The following ATXN1 variants were observed in gnomAD, a reference collection of about 807,000 sequenced individuals.
ATXN1 encodes the protein ataxin-1.
In ATXN1, 8 loss-of-function variants were observed where a neutral mutation model predicts 56.4. The observed-to-expected ratio is 0.14, with a 90% confidence interval of 0.08 to 0.26. The LOEUF (loss-of-function observed/expected upper bound fraction) is 0.26. Ranked by LOEUF, ATXN1 falls within the 10% of genes least tolerant of loss-of-function variation. The probability of loss-of-function intolerance (pLI) is 1.00; values close to 1 mark genes in which losing one functional copy is unlikely to be tolerated. For synonymous variants in ATXN1, 514 were observed against 494.6 expected (o/e 1.04, Z -0.52); for missense variants, 987 against 1,106.5 (o/e 0.89, Z 1.53).
intron 3 of ATXN1, among the ~76,000 whole-genome samples, chr6:16,635,237 G>T (rs1031553463): frequency 6.6e-6 from 1 of 152,130 alleles, no homozygotes; most frequent in African/African-American, 2.4e-5. Context: ...ATCACCCCTA[G>T]ATGGGACCGT....
intron 6 of ATXN1, among the ~76,000 whole-genome samples, chr6:16,377,960 G>A (rs146791717): frequency 2.5e-4 from 38 of 152,322 alleles, no homozygotes; most frequent in African/African-American, 8.9e-4. Flanking sequence ...AAGCAATTGA[G>A]CTCCATTTGG....
chr6:16,628,472 C>T (rs1230755005), intron 3 of ATXN1, among the ~76,000 whole-genome samples: 1 of 152,144 alleles, frequency 6.6e-6, no homozygotes, highest in African/African-American at 2.4e-5. Flanking sequence ...ATTTCTTAAG[C>T]TTTTATTTTA....
intron 3 of ATXN1, chr6:16,615,263 C>A (rs1398090526): frequency 3.3e-5 from 5 of 149,940 alleles, no homozygotes; most frequent in African/African-American, 1.2e-4. Context: ...TCAGCTTGCC[C>A]ATTTGTATGG....
chr6:16,654,886 C>A (rs1758158977), intron 3 of ATXN1, among the ~76,000 whole-genome samples: 1 of 152,134 alleles, frequency 6.6e-6, no homozygotes, highest in Admixed American at 6.5e-5. Flanking sequence ...CTACCACATT[C>A]ATGTGGTTTC....
At chr6:16,518,936 T>C (rs769872679) in intron 5 of ATXN1, among the ~76,000 whole-genome samples, 4 of 152,188 alleles carry the variant, frequency 2.6e-5, no homozygotes, top group Non-Finnish European at 5.9e-5. Context: ...TATTCTTACC[T>C]TGTGACTTTA....
At chr6:16,431,819 A>G (rs1759289948) in intron 6 of ATXN1, among the ~76,000 whole-genome samples, 1 of 152,202 alleles carries the variant, frequency 6.6e-6, no homozygotes, top group Non-Finnish European at 1.5e-5. Flanking sequence ...TAAACTATCA[A>G]TACAGACGAT....
Position 16,461,613 on chromosome 6 carries a change from T to C in ATXN1, c.-161+24359A>G, listed in dbSNP as rs115515986. On this transcript the variant is annotated intron_variant, in intron 6 of 7. Transcript: ENST00000436367. ...GTCTGTGTTGACCAACCAAATTGGA[T>C]AGAAGCCTTCCCCTGCAAGACGGAG... 8.5e-3 allele frequency among the ~76,000 whole-genome samples: 1,289 copies of C among 152,290 alleles called. 5 individuals carry two copies. Among genetic ancestry groups the C allele is most frequent in the Non-Finnish European group, 0.014 (986 of 68,016 alleles).
rs1473979988 is a variant in ATXN1 at position 16,760,920 on chromosome 6, C to T, written c.-730+378G>A. Among the ~76,000 whole-genome samples the T allele has an allele frequency of 2.0e-5, 3 of 148,490 alleles. No homozygotes were observed. The highest frequency in any genetic ancestry group is 7.4e-5 in the African/African-American group (3 of 40,774). The stretch of plus-strand genomic sequence containing the variant: ...AGCGGGGCGCCGCCGCCGCTCTCCC[C>T]GCCCGCGCCCCCCGCCCGGGCGCGC... On this transcript the variant is annotated intron_variant, in intron 1 of 7. Coordinates refer to ENST00000436367, the MANE Select transcript of ATXN1 (RefSeq NM_001128164.2). The surrounding 1 kb of genome is among the most constrained non-coding windows in gnomAD (Gnocchi z 5.3).
intron 4 of ATXN1, among the ~76,000 whole-genome samples, chr6:16,545,505 A>C (rs1439480052): frequency 6.6e-6 from 1 of 152,140 alleles, no homozygotes; most frequent in Non-Finnish European, 1.5e-5. Context: ...TTCAAATGCC[A>C]TCTAGACCAT....
chr6:16,623,051 T>A (rs1414952656), intron 3 of ATXN1, among the ~76,000 whole-genome samples: 2 of 152,248 alleles, frequency 1.3e-5, no homozygotes, highest in African/African-American at 4.8e-5. Flanking sequence ...TCACTTTCAT[T>A]GTTGTATTGT....
chr6:16,468,910 A>G (rs2113636261), intron 6 of ATXN1, among the ~76,000 whole-genome samples: 2 of 152,166 alleles, frequency 1.3e-5, no homozygotes, highest in Middle Eastern at 6.8e-3. Context: ...AAAAAAAAAA[A>G]GGTAGGACTG....
chr6:16,348,334 G>T (rs1761482095), intron 6 of ATXN1, among the ~76,000 whole-genome samples: 1 of 152,224 alleles, frequency 6.6e-6, no homozygotes, highest in East Asian at 1.9e-4. Context: ...CATAGTGTTA[G>T]AATTACAGAT....
At chr6:16,329,036 A>G (rs980240792) in intron 6 of ATXN1, among the ~76,000 whole-genome samples, 5 of 152,288 alleles carry the variant, frequency 3.3e-5, no homozygotes, top group Admixed American at 3.3e-4. Flanking sequence ...TGTAACACAT[A>G]TATTTTTTAA....
intron 2 of ATXN1, among the ~76,000 whole-genome samples, chr6:16,718,251 A>G (rs541489362): frequency 1.3e-4 from 20 of 152,388 alleles, no homozygotes; most frequent in African/African-American, 4.6e-4. Context: ...AAAATATGAC[A>G]GTGAATTATG....
chr6:16,550,398 C>T (rs1055583550), intron 4 of ATXN1, among the ~76,000 whole-genome samples: 1 of 152,134 alleles, frequency 6.6e-6, no homozygotes, highest in Non-Finnish European at 1.5e-5. Context: ...TTCTTTCATC[C>T]CTTGTATATT....
intron 5 of ATXN1, among the ~76,000 whole-genome samples, chr6:16,497,853 C>G (rs1392340192): frequency 6.7e-6 from 1 of 148,764 alleles, no homozygotes; most frequent in Non-Finnish European, 1.5e-5. Context: ...GTAGATGTCT[C>G]TTTGCAGAAG....
At chr6:16,532,089 C>G (rs892501926) in intron 4 of ATXN1, among the ~76,000 whole-genome samples, 1 of 152,110 alleles carries the variant, frequency 6.6e-6, no homozygotes. Context: ...ACAGGCATGT[C>G]GGTGTTCCAA....
At chr6:16,352,523 G>C (rs1215753222) in intron 6 of ATXN1, among the ~76,000 whole-genome samples, 1 of 152,186 alleles carries the variant, frequency 6.6e-6, no homozygotes, top group Non-Finnish European at 1.5e-5. Context: ...ACGAGGCTCT[G>C]TCTGGTAGTC....
chr6:16,704,263 G>A (rs3812209), intron 2 of ATXN1, among the ~76,000 whole-genome samples: 84,557 of 151,938 alleles, frequency 0.56, 24,105 homozygotes, highest in East Asian at 0.76. Flanking sequence ...CTACTCGGGT[G>A]CAAGAGCAAT....
Sources: gnomAD v4.1 joint callset for allele counts (sites outside exome capture counted in the v4.1 genomes callset) on GRCh38, gnomAD v4.1.1 for gene constraint, Gnocchi (gnomAD v3.1) non-coding constraint, MANE v1.5 for transcripts, NCBI Gene and HGNC (gene_info 2026-07-23, HGNC 2026-07-21) for gene names.